CORO1C: variants seen among roughly 807,000 people sequenced by gnomAD.
The protein encoded by CORO1C is coronin 1C.
A neutral mutation model predicts 51.2 loss-of-function variants in CORO1C; 14 were observed. That is an observed-to-expected ratio of 0.27 (90% CI 0.18 to 0.43). CORO1C has a LOEUF of 0.43. Among genes scored for constraint, CORO1C ranks in the 20% least tolerant of loss-of-function variants. CORO1C has a pLI of 1.00. For synonymous variants in CORO1C, 181 were observed against 210.5 expected (o/e 0.86, Z 1.21); for missense variants, 417 against 607.8 (o/e 0.69, Z 3.30).
intron 2 of CORO1C, among the ~76,000 whole-genome samples, chr12:108,684,156 C>A (rs764731655): frequency 4.6e-5 from 7 of 151,928 alleles, no homozygotes; most frequent in Non-Finnish European, 1.0e-4. Context: ...GAACTCACAG[C>A]GAAGAAAATC....
At position 108,701,115 on chromosome 12, in the gene CORO1C, A is replaced by G. The variant is rs1227675067; in HGVS notation, c.195+9T>C. Reference sequence around the variant, plus strand: ...GGTGTCTACCAGAATGGAAGATCAAATTACCTACCTTGTGCAGAGGGAGGA... The same window carrying G: ...GGTGTCTACCAGAATGGAAGATCAAGTTACCTACCTTGTGCAGAGGGAGGA... On this transcript the variant is annotated intron_variant, in intron 2 of 10. Coordinates refer to ENST00000261401, the MANE Select transcript of CORO1C (RefSeq NM_014325.4). The G allele has an allele frequency of 6.2e-7, 1 of 1,613,878 alleles. No individual in the cohort carries two copies. The highest frequency in any genetic ancestry group is 8.5e-7 in the Non-Finnish European group (1 of 1,179,878).
intron 3 of CORO1C, among the ~76,000 whole-genome samples, chr12:108,674,499 G>T (rs981843497): frequency 1.3e-5 from 2 of 148,994 alleles, no homozygotes; most frequent in Admixed American, 1.4e-4. Flanking sequence ...AGTGAGCCGA[G>T]ATCGTACCAC....
chr12:108,707,254 G>A (rs1233467445), intron 1 of CORO1C, among the ~76,000 whole-genome samples: 1 of 152,146 alleles, frequency 6.6e-6, no homozygotes, highest in Non-Finnish European at 1.5e-5. Flanking sequence ...AAAAAGTTAG[G>A]AAGACTCCTA....
Position 108,731,396 on chromosome 12 carries a change from T to G in CORO1C, c.-6+33A>C. ...ACAGGTCCGCCCGCCCGACTCGCTCTCAGGCTGCCCCCGCCGGGCGCGAGC... is the reference window on the plus strand; with the variant it reads ...ACAGGTCCGCCCGCCCGACTCGCTCGCAGGCTGCCCCCGCCGGGCGCGAGC... On this transcript the variant is annotated intron_variant, in intron 1 of 10. Transcript: ENST00000261401. The surrounding 1 kb of genome is among the most constrained non-coding windows in gnomAD (Gnocchi z 5.2). 6.6e-6 allele frequency: 1 copy of G among 152,502 alleles called. No individual in the cohort carries two copies. 9.4% of individuals were successfully genotyped at this position (152,502 alleles called of 1,614,324 possible).
rs1028804493 is a variant in CORO1C, at chr12:108,658,391, T to G, written c.630+347A>C. ...CTGTGTTTGGAAAAGGGTGAGGAAT[T>G]GATTCATCAATATTCAATACTAAGC... On this transcript the variant is annotated intron_variant, in intron 5 of 10. Transcript: ENST00000261401. This position sits in a 1 kb window ranked among gnomAD's most constrained non-coding sequence, Gnocchi z 4.9. Among the ~76,000 whole-genome samples, 5 of 152,118 alleles carry G rather than the reference T, an allele frequency of 3.3e-5. No homozygotes were observed. The highest frequency in any genetic ancestry group is 5.9e-5 in the Non-Finnish European group (4 of 68,012).
chr12:108,718,565 AG>A (rs2136884608), intron 1 of CORO1C, among the ~76,000 whole-genome samples: 1 of 152,020 alleles, frequency 6.6e-6, no homozygotes, highest in East Asian at 1.9e-4. Flanking sequence ...AAGAAAGAAA[AG>A]AAAAGAAAAT....
chr12:108,673,115 T>C (rs575869489), intron 3 of CORO1C, among the ~76,000 whole-genome samples: 1 of 152,322 alleles, frequency 6.6e-6, no homozygotes, highest in Non-Finnish European at 1.5e-5. Flanking sequence ...GGAAGCCATG[T>C]TGAAAGCTGA....
intron 1 of CORO1C, among the ~76,000 whole-genome samples, chr12:108,702,576 T>C (rs2034906391): frequency 6.6e-6 from 1 of 152,180 alleles, no homozygotes; most frequent in Non-Finnish European, 1.5e-5. Context: ...AGAAGGAGCC[T>C]GGATAAAAAT....
chr12:108,650,173 C>G (rs1000718412), intron 8 of CORO1C, among the ~76,000 whole-genome samples: 8 of 133,844 alleles, frequency 6.0e-5, no homozygotes, highest in African/African-American at 1.9e-4. Context: ...CCAGATAAAC[C>G]AAAAACCTTT....
At chr12:108,711,883 GA>G (rs1213226184) in intron 1 of CORO1C, among the ~76,000 whole-genome samples, 1 of 151,984 alleles carries the variant, frequency 6.6e-6, no homozygotes, top group Non-Finnish European at 1.5e-5. Flanking sequence ...CCTGTTTATT[GA>G]AAAGCTATCT....
intron 3 of CORO1C, among the ~76,000 whole-genome samples, chr12:108,662,490 T>C (rs1364387569): frequency 6.6e-6 from 1 of 152,162 alleles, no homozygotes; most frequent in African/African-American, 2.4e-5. Flanking sequence ...TTTTAAAATG[T>C]AATATGTTAT....
At chr12:108,711,604 C>T (rs931609230) in intron 1 of CORO1C, among the ~76,000 whole-genome samples, 2 of 150,026 alleles carry the variant, frequency 1.3e-5, no homozygotes, top group African/African-American at 2.5e-5. Context: ...TGCTTGAACT[C>T]GGGAGGCAGA....
chr12:108,706,931 A>G (rs945772475), intron 1 of CORO1C, among the ~76,000 whole-genome samples: 2 of 152,208 alleles, frequency 1.3e-5, no homozygotes, highest in Non-Finnish European at 2.9e-5. Context: ...AAATTAAGAA[A>G]ACAATTCCAC....
chr12:108,676,788 A>C (rs982745769), intron 3 of CORO1C, among the ~76,000 whole-genome samples: 30 of 151,722 alleles, frequency 2.0e-4, no homozygotes, highest in African/African-American at 6.0e-4. Flanking sequence ...AAAAAAAAAA[A>C]TTCTGGCATC....
chr12:108,681,741 T>A (rs2034130977), intron 2 of CORO1C, among the ~76,000 whole-genome samples: 2 of 152,150 alleles, frequency 1.3e-5, no homozygotes, highest in Non-Finnish European at 2.9e-5. Flanking sequence ...GCTATATTAA[T>A]TTTGAAGAAT....
intron 3 of CORO1C, among the ~76,000 whole-genome samples, chr12:108,666,147 G>A (rs2136818459): frequency 6.6e-6 from 1 of 152,314 alleles, no homozygotes; most frequent in African/African-American, 2.4e-5. Flanking sequence ...AGAATATGAG[G>A]AGAAATTGAA....
intron 7 of CORO1C, 24 bp downstream of exon 7, chr12:108,654,282 C>T: frequency 6.9e-7 from 1 of 1,441,218 alleles, no homozygotes; most frequent in Admixed American, 1.7e-5. Context: ...GGATTTAACA[C>T]CAAACATCAA....
chr12:108,657,699 A>G (rs1324201845), intron 5 of CORO1C, among the ~76,000 whole-genome samples: 1 of 152,258 alleles, frequency 6.6e-6, no homozygotes, highest in Non-Finnish European at 1.5e-5. Context: ...AAGTCTATGC[A>G]CTGTGAAAAT....
At chr12:108,716,732 T>G (rs907628993) in intron 1 of CORO1C, among the ~76,000 whole-genome samples, 8 of 152,222 alleles carry the variant, frequency 5.3e-5, no homozygotes, top group African/African-American at 1.7e-4. Context: ...AGGAAATCCT[T>G]CTTTCACTGG....
Sources: gnomAD v4.1 joint callset for allele counts (sites outside exome capture counted in the v4.1 genomes callset) on GRCh38, gnomAD v4.1.1 for gene constraint, Gnocchi (gnomAD v3.1) non-coding constraint, MANE v1.5 for transcripts, NCBI Gene and HGNC (gene_info 2026-07-23, HGNC 2026-07-21) for gene names.